The following CCDC85A variants were observed in gnomAD, a reference collection of about 807,000 sequenced individuals.
CCDC85A encodes the protein coiled-coil domain containing 85A, also known as coiled-coil domain-containing protein 85A.
CCDC85A carries 38 observed loss-of-function variants against 50.2 expected under a neutral mutation model. That is an observed-to-expected ratio of 0.76 (90% CI 0.58 to 0.99). The LOEUF is 0.99. Ranked by LOEUF, CCDC85A falls within the 50% of genes least tolerant of loss-of-function variation. The probability of loss-of-function intolerance (pLI) is 0.00; values close to 1 mark genes in which losing one functional copy is unlikely to be tolerated. For synonymous variants in CCDC85A, 366 were observed against 301.4 expected (o/e 1.21, Z -2.22); for missense variants, 820 against 742.0 (o/e 1.11, Z -1.22).
chr2:56,213,468 G>A (rs1040612236), intron 2 of CCDC85A, among the ~76,000 whole-genome samples: 8 of 151,968 alleles, frequency 5.3e-5, no homozygotes, highest in Non-Finnish European at 1.0e-4. Flanking sequence ...TCAGATTTGT[G>A]TGTAACTTGG....
chr2:56,302,451 CAT>C (rs1205269102), intron 2 of CCDC85A, among the ~76,000 whole-genome samples: 3 of 152,020 alleles, frequency 2.0e-5, no homozygotes, highest in African/African-American at 7.2e-5. Context: ...CTGAAGGTAA[CAT>C]GTAATATTAG....
chr2:56,324,595 C>G (rs943478976), intron 2 of CCDC85A, among the ~76,000 whole-genome samples: 1 of 151,888 alleles, frequency 6.6e-6, no homozygotes, highest in African/African-American at 2.4e-5. Flanking sequence ...CCATGTGGGA[C>G]CAGGTAGACT....
At chr2:56,375,323 A>C (rs555904680) in intron 4 of CCDC85A, among the ~76,000 whole-genome samples, 77 of 152,330 alleles carry the variant, frequency 5.1e-4, no homozygotes, top group African/African-American at 1.5e-3. Context: ...GAAAACGTTG[A>C]ATTTGGATAA....
At chr2:56,309,364 C>T (rs1047845515) in intron 2 of CCDC85A, among the ~76,000 whole-genome samples, 7 of 152,120 alleles carry the variant, frequency 4.6e-5, no homozygotes, top group East Asian at 1.9e-4. Context: ...GCACATTAAA[C>T]GACACTGCCA....
At chr2:56,266,628 A>C (rs13025817) in intron 2 of CCDC85A, among the ~76,000 whole-genome samples, 1 of 126,618 alleles carries the variant, frequency 7.9e-6, no homozygotes, top group Non-Finnish European at 1.6e-5. Flanking sequence ...ATTGTGATTT[A>C]TGTGAAATGA....
chr2:56,261,186 G>A (rs1310623809), intron 2 of CCDC85A, among the ~76,000 whole-genome samples: 4 of 152,158 alleles, frequency 2.6e-5, no homozygotes, highest in Non-Finnish European at 5.9e-5. Context: ...TCATCAGGGA[G>A]AATGTGAAAG....
chr2:56,323,523 G>C (rs1194834534), intron 2 of CCDC85A, among the ~76,000 whole-genome samples: 1 of 152,026 alleles, frequency 6.6e-6, no homozygotes, highest in Non-Finnish European at 1.5e-5. Flanking sequence ...CTGTGGGTTT[G>C]AGAAAGTTCC....
chr2:56,364,576 C>T (rs1675695653), intron 3 of CCDC85A, among the ~76,000 whole-genome samples: 1 of 152,128 alleles, frequency 6.6e-6, no homozygotes, highest in Non-Finnish European at 1.5e-5. Context: ...TGCTTGAGGG[C>T]TTTGCATTAT....
At chr2:56,302,555 A>T (rs963917273) in intron 2 of CCDC85A, among the ~76,000 whole-genome samples, 2 of 152,200 alleles carry the variant, frequency 1.3e-5, no homozygotes, top group South Asian at 4.1e-4. Flanking sequence ...CCACGTGATT[A>T]TAGGAGGAAA....
At chr2:56,356,439 T>C (rs1325999835) in intron 3 of CCDC85A, among the ~76,000 whole-genome samples, 1 of 152,236 alleles carries the variant, frequency 6.6e-6, no homozygotes, top group East Asian at 1.9e-4. Flanking sequence ...AATGGTCAGA[T>C]AGTTGGTGAT....
chr2:56,223,563 T>C (rs1020825428), intron 2 of CCDC85A, among the ~76,000 whole-genome samples: 3 of 152,192 alleles, frequency 2.0e-5, no homozygotes, highest in Admixed American at 6.5e-5. Flanking sequence ...TCATGTTTGA[T>C]ACAATAATCA....
intron 2 of CCDC85A, among the ~76,000 whole-genome samples, chr2:56,230,661 T>C (rs1558596169): frequency 6.6e-6 from 1 of 152,240 alleles, no homozygotes; most frequent in Non-Finnish European, 1.5e-5. Flanking sequence ...ATCATCCATT[T>C]AAAAAAATTC....
chr2:56,333,424 G>A (rs955490722), intron 2 of CCDC85A, among the ~76,000 whole-genome samples: 1 of 152,208 alleles, frequency 6.6e-6, no homozygotes, highest in African/African-American at 2.4e-5. Flanking sequence ...CTGGTGCAGA[G>A]TGAATGAGGG....
chr2:56,287,096 T>G (rs766002514), intron 2 of CCDC85A, among the ~76,000 whole-genome samples: 1 of 152,210 alleles, frequency 6.6e-6, no homozygotes, highest in Non-Finnish European at 1.5e-5. Context: ...AGCATAGTTA[T>G]GACATCTGGT....
intron 2 of CCDC85A, among the ~76,000 whole-genome samples, chr2:56,318,158 A>G (rs1277274918): frequency 1.3e-5 from 2 of 152,152 alleles, no homozygotes; most frequent in East Asian, 1.9e-4. Flanking sequence ...TGAGACATAT[A>G]TAAGACTTAA....
intron 4 of CCDC85A, among the ~76,000 whole-genome samples, chr2:56,375,384 T>C (rs1573369012): frequency 2.0e-5 from 3 of 152,256 alleles, no homozygotes; most frequent in Admixed American, 1.3e-4. Context: ...AGAAGGGTTT[T>C]ATAAGAGACA....
chr2:56,338,979 T>G (rs1674220851), intron 2 of CCDC85A, among the ~76,000 whole-genome samples: 1 of 152,190 alleles, frequency 6.6e-6, no homozygotes, highest in African/African-American at 2.4e-5. Flanking sequence ...AGGAAGAGTG[T>G]ATTTTTGTTT....
chr2:56,220,969 G>C (rs551623896), intron 2 of CCDC85A, among the ~76,000 whole-genome samples: 1 of 152,054 alleles, frequency 6.6e-6, no homozygotes, highest in Admixed American at 6.6e-5. Flanking sequence ...CTCCAGCCCT[G>C]CTCCCCGTCA....
At chr2:56,342,070 C>G (rs912161434) in intron 2 of CCDC85A, among the ~76,000 whole-genome samples, 3 of 151,582 alleles carry the variant, frequency 2.0e-5, no homozygotes, top group Non-Finnish European at 4.4e-5. Flanking sequence ...TAGAACAACT[C>G]ATTGACAACT....
Sources: allele counts gnomAD v4.1 joint callset (sites outside exome capture counted in the v4.1 genomes callset), GRCh38; gene constraint gnomAD v4.1.1; transcripts MANE v1.5; gene names NCBI Gene and HGNC (gene_info 2026-07-23, HGNC 2026-07-21).